The following UBL3 variants were observed in gnomAD, a reference collection of about 807,000 sequenced individuals.
UBL3 encodes ubiquitin like 3.
In UBL3, 6 loss-of-function variants were observed where a neutral mutation model predicts 18.4. That is an observed-to-expected ratio of 0.33 (90% CI 0.18 to 0.64). The LOEUF is 0.64. Ranked by LOEUF, UBL3 falls within the 30% of genes least tolerant of loss-of-function variation. The probability of loss-of-function intolerance (pLI) is 0.76; values close to 1 mark genes in which losing one functional copy is unlikely to be tolerated. For missense variants in UBL3, 109 were observed against 142.9 expected (o/e 0.76, Z 1.21); for synonymous variants, 49 against 46.6 (o/e 1.05, Z -0.21).
chr13:29,767,742 TA>T, intron 3 of UBL3, 47 bp from the exon 4 acceptor site: 1 of 1,514,802 alleles, frequency 6.6e-7, no homozygotes, highest in Non-Finnish European at 9.1e-7. Context: ...ATCGACCTAT[TA>T]AAATCACTAT....
At chr13:29,769,089 A>G (rs1255595956) in intron 3 of UBL3, among the ~76,000 whole-genome samples, 2 of 152,102 alleles carry the variant, frequency 1.3e-5, no homozygotes, top group African/African-American at 4.8e-5. Flanking sequence ...AGCTGTGTCC[A>G]TTAAATCAAA....
chr13:29,811,065 C>T (rs182874224), intron 1 of UBL3, among the ~76,000 whole-genome samples: 276 of 152,088 alleles, frequency 1.8e-3, no homozygotes, highest in Non-Finnish European at 2.6e-3. Flanking sequence ...GCCTTTTGCC[C>T]ATCCACTTTT....
intron 1 of UBL3, among the ~76,000 whole-genome samples, chr13:29,833,913 C>T (rs963328057): frequency 6.6e-6 from 1 of 152,126 alleles, no homozygotes. Context: ...GAATAAATAA[C>T]GCAGTGGCTC....
intron 1 of UBL3, among the ~76,000 whole-genome samples, chr13:29,843,064 G>T (rs1456926987): frequency 1.3e-5 from 2 of 152,190 alleles, no homozygotes; most frequent in Admixed American, 1.3e-4. Flanking sequence ...AAAAACAGCT[G>T]CTCAACAAGG....
intron 1 of UBL3, among the ~76,000 whole-genome samples, chr13:29,841,437 C>T (rs964228862): frequency 2.0e-5 from 3 of 152,106 alleles, no homozygotes; most frequent in Non-Finnish European, 2.9e-5. Flanking sequence ...CAAATATATA[C>T]ATAAGAAGAC....
At chr13:29,832,006 A>G (rs1878789343) in intron 1 of UBL3, among the ~76,000 whole-genome samples, 1 of 152,236 alleles carries the variant, frequency 6.6e-6, no homozygotes, top group Non-Finnish European at 1.5e-5. Context: ...AGACACAAGT[A>G]GCCCAGCACG....
intron 1 of UBL3, among the ~76,000 whole-genome samples, chr13:29,789,100 T>C (rs561339046): frequency 4.1e-4 from 62 of 152,218 alleles, no homozygotes; most frequent in African/African-American, 1.5e-3. Flanking sequence ...GATTTCACCA[T>C]GTTGGTCAGG....
chr13:29,790,443 T>C (rs1877453140), intron 1 of UBL3, among the ~76,000 whole-genome samples: 1 of 152,196 alleles, frequency 6.6e-6, no homozygotes. Context: ...AACCTTCTTC[T>C]CATTTGTCAT....
intron 1 of UBL3, among the ~76,000 whole-genome samples, chr13:29,814,685 TATTAAAGA>T: frequency 6.6e-6 from 1 of 152,284 alleles, no homozygotes; most frequent in South Asian, 2.1e-4. Flanking sequence ...ACCAGAGTTT[TATTAAAGA>T]ATGACCTAGG....
chr13:29,767,121 G>T lies in UBL3; in HGVS notation c.*134C>A. ...TACTTTCATGAGAAAAGATGACAGTGTTCATGTGGTAATTCAGTTCCATGT... is the reference window on the plus strand; with the variant it reads ...TACTTTCATGAGAAAAGATGACAGTTTTCATGTGGTAATTCAGTTCCATGT... On this transcript the variant is annotated 3_prime_UTR_variant, in exon 5 of 5. Coordinates refer to ENST00000380680, the MANE Select transcript of UBL3 (RefSeq NM_007106.4). 1.3e-6 allele frequency: 1 copy of T among 746,740 alleles called. No homozygotes were observed. Among genetic ancestry groups the T allele is most frequent in the Non-Finnish European group, 2.1e-6 (1 of 470,402 alleles). The allele number at this position is 746,740 out of a possible 1,614,324, so 46.3% of individuals were successfully genotyped here.
intron 1 of UBL3, among the ~76,000 whole-genome samples, chr13:29,780,367 A>AAAAAAAAAAAAAATAT (rs1359464345): frequency 1.4e-4 from 14 of 103,310 alleles, no homozygotes; most frequent in South Asian, 3.3e-4. Context: ...AAAAAAAAAA[A>AAAAAAAAAAAAAATAT]ATATATATAT....
chr13:29,789,245 A>G (rs1877423591), intron 1 of UBL3, among the ~76,000 whole-genome samples: 1 of 152,178 alleles, frequency 6.6e-6, no homozygotes, highest in South Asian at 2.1e-4. Flanking sequence ...GCAAAATGAA[A>G]AGAGTTCTGG....
chr13:29,798,629 G>C lies in UBL3; in HGVS notation c.28-21366C>G, dbSNP rs182413402. On this transcript the variant is annotated intron_variant, in intron 1 of 4. Transcript: ENST00000380680. ...AAGCCTTATTATTTTGATAATACAA[G>C]TATGAATAGAGTAGTCTGAATCAAG... Among the ~76,000 whole-genome samples the C allele has an allele frequency of 1.9e-3, 286 of 152,262 alleles. 2 individuals carry two copies. The highest frequency in any genetic ancestry group is 6.7e-3 in the African/African-American group (279 of 41,550).
At chr13:29,788,547 C>G (rs955601821) in intron 1 of UBL3, among the ~76,000 whole-genome samples, 1 of 152,156 alleles carries the variant, frequency 6.6e-6, no homozygotes, top group Non-Finnish European at 1.5e-5. Flanking sequence ...CTCAAGACTC[C>G]TCCTATTTCT....
intron 1 of UBL3, among the ~76,000 whole-genome samples, chr13:29,847,980 C>T (rs1330079132): frequency 6.6e-6 from 1 of 152,022 alleles, no homozygotes; most frequent in Non-Finnish European, 1.5e-5. Flanking sequence ...TGTTATGTGG[C>T]CACCCCCAGA....
At chr13:29,835,157 T>TATATATAA (rs1878923564) in intron 1 of UBL3, among the ~76,000 whole-genome samples, 1 of 54,336 alleles carries the variant, frequency 1.8e-5, no homozygotes, top group Non-Finnish European at 3.1e-5. Context: ...TATATATATA[T>TATATATAA]ATATATATAT....
chr13:29,774,708 AC>A (rs1876934827), intron 2 of UBL3, among the ~76,000 whole-genome samples: 2 of 152,074 alleles, frequency 1.3e-5, no homozygotes, highest in Non-Finnish European at 2.9e-5. Context: ...CTATGAATCC[AC>A]CAAGACATGT....
At chr13:29,818,694 A>G (rs1016221124) in intron 1 of UBL3, among the ~76,000 whole-genome samples, 8 of 152,186 alleles carry the variant, frequency 5.3e-5, no homozygotes, top group African/African-American at 1.7e-4. Context: ...AACAGCTTGT[A>G]TATTTTGATA....
At chr13:29,827,864 G>C (rs1878665438) in intron 1 of UBL3, among the ~76,000 whole-genome samples, 1 of 152,160 alleles carries the variant, frequency 6.6e-6, no homozygotes, top group South Asian at 2.1e-4. Context: ...AGCTCTTTTA[G>C]GGCAGGCCTG....
Sources: gnomAD v4.1 joint callset for allele counts (sites outside exome capture counted in the v4.1 genomes callset) on GRCh38, gnomAD v4.1.1 for gene constraint, MANE v1.5 for transcripts, NCBI Gene and HGNC (gene_info 2026-07-23, HGNC 2026-07-21) for gene names.